Variants in PRR5L observed in about 807,000 individuals in gnomAD.
PRR5L encodes the protein proline rich 5 like.
In PRR5L, 21 loss-of-function variants were observed where a neutral mutation model predicts 36.4. The ratio of observed to expected loss-of-function variants is 0.58; its 90% CI spans 0.41 to 0.83. PRR5L has a LOEUF of 0.83. Ranked by LOEUF, PRR5L falls within the 40% of genes least tolerant of loss-of-function variation. PRR5L has a pLI of 0.00. For missense variants in PRR5L, 381 were observed against 473.3 expected, an observed-to-expected ratio of 0.80 and a Z score of 1.81; for synonymous variants, 188 against 197.0, an observed-to-expected ratio of 0.95 and a Z score of 0.38.
At chr11:36,333,883 G>T (rs1856743129) in intron 1 of PRR5L, among the ~76,000 whole-genome samples, 1 of 152,164 alleles carries the variant, frequency 6.6e-6, no homozygotes, top group Non-Finnish European at 1.5e-5. Context: ...TATATAAAAA[G>T]TGTATGTAGA....
intron 4 of PRR5L, among the ~76,000 whole-genome samples, chr11:36,421,121 A>C (rs1287794399): frequency 6.6e-6 from 1 of 152,188 alleles, no homozygotes; most frequent in Non-Finnish European, 1.5e-5. Context: ...AGCTAACTAC[A>C]GAGAAGTGGT....
chr11:36,434,968 G>A (rs1408806159), intron 5 of PRR5L, among the ~76,000 whole-genome samples: 1 of 152,104 alleles, frequency 6.6e-6, no homozygotes, highest in Non-Finnish European at 1.5e-5. Context: ...ATTGAAAGGG[G>A]GAGTAAGTAG....
intron 4 of PRR5L, among the ~76,000 whole-genome samples, chr11:36,422,577 G>A (rs1858291969): frequency 6.6e-6 from 1 of 152,136 alleles, no homozygotes; most frequent in Admixed American, 6.5e-5. Context: ...CCCTTTCTGT[G>A]GCTCTGCTTT....
intron 1 of PRR5L, among the ~76,000 whole-genome samples, chr11:36,371,857 G>A (rs1338581154): frequency 1.3e-5 from 2 of 152,108 alleles, no homozygotes; most frequent in Non-Finnish European, 2.9e-5. Flanking sequence ...TCAACGGTTG[G>A]AGACCAGCCT....
At chr11:36,309,033 C>T (rs575883145) in intron 1 of PRR5L, among the ~76,000 whole-genome samples, 7 of 152,224 alleles carry the variant, frequency 4.6e-5, no homozygotes, top group Non-Finnish European at 7.4e-5. Flanking sequence ...CAATAGTAGA[C>T]GGATACAGGT....
intron 8 of PRR5L, among the ~76,000 whole-genome samples, chr11:36,451,578 C>T (rs1046434280): frequency 2.6e-5 from 4 of 152,190 alleles, no homozygotes; most frequent in Admixed American, 6.5e-5. Flanking sequence ...TGTGCCTTTG[C>T]GGTGGTGCTT....
chr11:36,392,220 A>G (rs1857577531), intron 1 of PRR5L, among the ~76,000 whole-genome samples: 1 of 152,178 alleles, frequency 6.6e-6, no homozygotes, highest in Admixed American at 6.5e-5. Context: ...TCGTCTGTTG[A>G]TGGACACTTA....
intron 1 of PRR5L, among the ~76,000 whole-genome samples, chr11:36,297,061 A>G (rs918331302): frequency 6.6e-6 from 1 of 152,200 alleles, no homozygotes; most frequent in African/African-American, 2.4e-5. Flanking sequence ...CAGCTATTTC[A>G]TCAGATAGAT....
chr11:36,450,959 C>T (rs1248294352), intron 7 of PRR5L, among the ~76,000 whole-genome samples: 3 of 152,230 alleles, frequency 2.0e-5, no homozygotes, highest in Admixed American at 2.0e-4. Flanking sequence ...GTGGGACACC[C>T]ACACTGCATT....
chr11:36,310,025 A>G (rs757872719), intron 1 of PRR5L, among the ~76,000 whole-genome samples: 2 of 9,676 alleles, frequency 2.1e-4, no homozygotes, highest in Non-Finnish European at 1.1e-3. Context: ...AGAACAATTT[A>G]CCATCCTGAC....
At chr11:36,362,885 A>C (rs1046056773) in intron 1 of PRR5L, among the ~76,000 whole-genome samples, 2 of 152,068 alleles carry the variant, frequency 1.3e-5, no homozygotes, top group Non-Finnish European at 2.9e-5. Flanking sequence ...GTGTGTGCTG[A>C]GTGCTTGGGC....
chr11:36,387,658 G>T (rs1316799364), intron 1 of PRR5L, among the ~76,000 whole-genome samples: 2 of 152,112 alleles, frequency 1.3e-5, no homozygotes, highest in Non-Finnish European at 2.9e-5. Flanking sequence ...CCATCAGCTG[G>T]GCCAAACCAT....
At chr11:36,435,680 C>G (rs1487135030) in intron 5 of PRR5L, among the ~76,000 whole-genome samples, 1 of 152,124 alleles carries the variant, frequency 6.6e-6, no homozygotes, top group African/African-American at 2.4e-5. Context: ...GGCAGATTCT[C>G]CTGGGCTGTG....
chr11:36,363,315 T>C (rs1857111957), intron 1 of PRR5L, among the ~76,000 whole-genome samples: 1 of 152,242 alleles, frequency 6.6e-6, no homozygotes, highest in Non-Finnish European at 1.5e-5. Flanking sequence ...ATTTAAAATA[T>C]ATTCCTGGAG....
chr11:36,317,549 G>A (rs182096459), intron 1 of PRR5L, among the ~76,000 whole-genome samples: 2 of 152,310 alleles, frequency 1.3e-5, no homozygotes, highest in Admixed American at 1.3e-4. Flanking sequence ...CCCATAAGTT[G>A]AGTTTGTGTT....
chr11:36,331,854 G>C (rs556336328), intron 1 of PRR5L, among the ~76,000 whole-genome samples: 5 of 152,184 alleles, frequency 3.3e-5, no homozygotes, highest in Admixed American at 6.5e-5. Context: ...GCTTGTATTA[G>C]TCAGGGTTCT....
At chr11:36,420,985 C>T (rs140924906) in intron 4 of PRR5L, among the ~76,000 whole-genome samples, 9 of 152,196 alleles carry the variant, frequency 5.9e-5, no homozygotes, top group African/African-American at 2.2e-4. Flanking sequence ...CAGGGAGAGA[C>T]AAACATAAAG....
intron 1 of PRR5L, among the ~76,000 whole-genome samples, chr11:36,341,123 C>G (rs1032827683): frequency 6.6e-6 from 1 of 152,186 alleles, no homozygotes; most frequent in Non-Finnish European, 1.5e-5. Context: ...GCATACTGGC[C>G]TTTATGCCAA....
intron 1 of PRR5L, among the ~76,000 whole-genome samples, chr11:36,397,036 C>T (rs1177203957): frequency 1.3e-5 from 2 of 151,708 alleles, no homozygotes; most frequent in African/African-American, 2.4e-5. Flanking sequence ...GGGTAGGTTA[C>T]CTAACTTCTC....
Sources: allele counts gnomAD v4.1 joint callset (sites outside exome capture counted in the v4.1 genomes callset), GRCh38; gene constraint gnomAD v4.1.1; transcripts MANE v1.5; gene names NCBI Gene and HGNC (gene_info 2026-07-23, HGNC 2026-07-21).